The following LRMDA variants were observed in gnomAD, a reference collection of about 807,000 sequenced individuals.
LRMDA encodes leucine-rich melanocyte differentiation-associated protein.
LRMDA carries 18 observed loss-of-function variants against 29.8 expected under a neutral mutation model. That is an observed-to-expected ratio of 0.60 (90% confidence interval 0.42 to 0.90). LRMDA has a LOEUF of 0.90. Ranked by LOEUF, LRMDA falls within the 40% of genes least tolerant of loss-of-function variation. The pLI, the probability that LRMDA is intolerant of heterozygous loss-of-function variation, is 0.00. For synonymous variants in LRMDA, 125 were observed against 109.4 expected (o/e 1.14, Z -0.89); for missense variants, 273 against 273.9 (o/e 1.00, Z 0.02).
At chr10:76,532,932 C>T (rs761689432) in intron 6 of LRMDA, among the ~76,000 whole-genome samples, 10 of 152,116 alleles carry the variant, frequency 6.6e-5, no homozygotes, top group Admixed American at 1.3e-4. Context: ...ATGCCTCTTA[C>T]GATCTTGCTA....
intron 6 of LRMDA, among the ~76,000 whole-genome samples, chr10:76,512,529 C>CT (rs1843019280): frequency 6.6e-6 from 1 of 152,116 alleles, no homozygotes; most frequent in South Asian, 2.1e-4. Context: ...TGCCTGTACT[C>CT]ATAAATAAAG....
intron 6 of LRMDA, among the ~76,000 whole-genome samples, chr10:76,432,446 A>G (rs1316682554): frequency 6.6e-6 from 1 of 152,162 alleles, no homozygotes; most frequent in Non-Finnish European, 1.5e-5. Flanking sequence ...CTTTGAGATG[A>G]TCTGGCCCCA....
intron 2 of LRMDA, among the ~76,000 whole-genome samples, chr10:75,510,392 A>C (rs921267467): frequency 2.6e-5 from 4 of 152,196 alleles, no homozygotes; most frequent in African/African-American, 9.7e-5. Flanking sequence ...AAAAGCATAG[A>C]TGCTGTTGGG....
intron 2 of LRMDA, among the ~76,000 whole-genome samples, chr10:75,821,213 A>C (rs927657749): frequency 1.3e-5 from 2 of 152,232 alleles, no homozygotes; most frequent in Non-Finnish European, 2.9e-5. Context: ...TACAACAAAA[A>C]GAGAAAACTA....
At chr10:75,489,923 G>A (rs182635002) in intron 2 of LRMDA, among the ~76,000 whole-genome samples, 9 of 152,218 alleles carry the variant, frequency 5.9e-5, no homozygotes, top group East Asian at 1.9e-4. Context: ...AGGTACTGGC[G>A]CTCAATAGTT....
chr10:75,702,164 G>A (rs757241805), intron 2 of LRMDA, among the ~76,000 whole-genome samples: 1 of 152,106 alleles, frequency 6.6e-6, no homozygotes, highest in Non-Finnish European at 1.5e-5. Flanking sequence ...CTTTCCTTGC[G>A]ATGTGCTCCC....
At chr10:75,536,229 T>G (rs749584206) in intron 2 of LRMDA, among the ~76,000 whole-genome samples, 79 of 152,262 alleles carry the variant, frequency 5.2e-4, no homozygotes, top group Non-Finnish European at 8.1e-4. Context: ...CTTTCCTAGC[T>G]GCTCAGGTTC....
At chr10:76,065,142 A>G (rs1347200159) in intron 5 of LRMDA, among the ~76,000 whole-genome samples, 1 of 152,176 alleles carries the variant, frequency 6.6e-6, no homozygotes, top group Non-Finnish European at 1.5e-5. Flanking sequence ...CACAGTTTGC[A>G]CGTTCATTTG....
At chr10:76,004,233 G>T (rs965393291) in intron 2 of LRMDA, among the ~76,000 whole-genome samples, 1 of 152,150 alleles carries the variant, frequency 6.6e-6, no homozygotes, top group Non-Finnish European at 1.5e-5. Context: ...TTCAAATGTA[G>T]TGAAAAATTA....
chr10:76,325,302 G>A (rs1000500681), intron 6 of LRMDA, among the ~76,000 whole-genome samples: 2 of 152,222 alleles, frequency 1.3e-5, no homozygotes, highest in African/African-American at 4.8e-5. Context: ...TGGGATACTT[G>A]TATTCTGCAG....
chr10:76,469,420 A>G (rs529447933), intron 6 of LRMDA, among the ~76,000 whole-genome samples: 26 of 152,132 alleles, frequency 1.7e-4, no homozygotes, highest in Non-Finnish European at 3.1e-4. Context: ...AACTGAGAAC[A>G]CTTGGGCCCT....
intron 2 of LRMDA, among the ~76,000 whole-genome samples, chr10:75,462,958 G>C (rs1844604637): frequency 6.6e-6 from 1 of 152,212 alleles, no homozygotes; most frequent in Non-Finnish European, 1.5e-5. Flanking sequence ...AGAGTGATGA[G>C]ACAATTAGCG....
intron 2 of LRMDA, among the ~76,000 whole-genome samples, chr10:75,718,256 AG>A (rs926750386): frequency 3.3e-5 from 5 of 152,176 alleles, no homozygotes; most frequent in Admixed American, 6.5e-5. Context: ...TTCATCCTGC[AG>A]GTCTGTGGGT....
At position 76,059,126 on chromosome 10, in the gene LRMDA, AG is replaced by A. The variant is rs372552804; in HGVS notation, c.516+349del. Among the ~76,000 whole-genome samples, 33 of 152,140 alleles carry A rather than the reference AG, an allele frequency of 2.2e-4. No individual in the cohort carries two copies. In the East Asian group the frequency reaches 6.4e-3, roughly 29 times the overall value. Reference sequence around the variant, plus strand: ...ATTGGGCATGGGTGGGCTTTGGGGTAGGGGGGATTCTTCTAGTACTTCAGAG... The same window carrying A: ...ATTGGGCATGGGTGGGCTTTGGGGTAGGGGGATTCTTCTAGTACTTCAGAG... On this transcript the variant is annotated intron_variant, in intron 5 of 6. Transcript: ENST00000611255.
intron 2 of LRMDA, among the ~76,000 whole-genome samples, chr10:75,521,365 C>T (rs1336718257): frequency 6.6e-6 from 1 of 152,252 alleles, no homozygotes. Flanking sequence ...GGGCTCTGCC[C>T]AGCTCGAACT....
intron 2 of LRMDA, among the ~76,000 whole-genome samples, chr10:75,578,217 A>AAAAAAAAAAAAAAAC (rs1840534687): frequency 8.6e-6 from 1 of 116,808 alleles, no homozygotes; most frequent in Non-Finnish European, 1.6e-5. Flanking sequence ...ATGGAAAGCA[A>AAAAAAAAAAAAAAAC]AAAAAAAAAA....
At chr10:75,916,195 T>TGTGTGTGGGC (rs1554833960) in intron 2 of LRMDA, among the ~76,000 whole-genome samples, 1 of 138,942 alleles carries the variant, frequency 7.2e-6, no homozygotes, top group Non-Finnish European at 1.6e-5. Context: ...TGTGTGTGTG[T>TGTGTGTGGGC]GGGTGGGTGT....
chr10:75,931,478 C>T (rs765694955), intron 2 of LRMDA, among the ~76,000 whole-genome samples: 18 of 152,084 alleles, frequency 1.2e-4, no homozygotes, highest in South Asian at 4.2e-4. Context: ...AGGATATCAG[C>T]GGGGGAATCA....
At chr10:75,570,292 A>G (rs1840422829) in intron 2 of LRMDA, among the ~76,000 whole-genome samples, 1 of 152,214 alleles carries the variant, frequency 6.6e-6, no homozygotes, top group African/African-American at 2.4e-5. Context: ...AAAGCACTAT[A>G]CTGATCTATT....
Sources: allele counts gnomAD v4.1 joint callset (sites outside exome capture counted in the v4.1 genomes callset), GRCh38; gene constraint gnomAD v4.1.1; transcripts MANE v1.5; gene names NCBI Gene and HGNC (gene_info 2026-07-23, HGNC 2026-07-21).